The following CHST15 variants were observed in gnomAD, a reference collection of about 807,000 sequenced individuals.
CHST15 encodes the protein B cell RAG associated protein (GALNAC4S-6ST).
In CHST15, 30 loss-of-function variants were observed where a neutral mutation model predicts 53.6. That is an observed-to-expected ratio of 0.56 (90% CI 0.42 to 0.76). The LOEUF (loss-of-function observed/expected upper bound fraction) is 0.76. Among genes scored for constraint, CHST15 ranks in the 30% least tolerant of loss-of-function variants. The pLI is 0.00. For missense variants in CHST15, 627 were observed against 740.5 expected, an observed-to-expected ratio of 0.85 and a Z score of 1.78; for synonymous variants, 296 against 289.8, an observed-to-expected ratio of 1.02 and a Z score of -0.22.
chr10:124,020,633 G>C (rs1489956475), intron 6 of CHST15: 1 of 988,392 alleles, frequency 1.0e-6, no homozygotes, highest in Non-Finnish European at 1.2e-6. Context: ...CAGCGGCAAT[G>C]CTCGCTGCAT....
At chr10:124,033,590 A>C (rs1370547172) in intron 5 of CHST15, among the ~76,000 whole-genome samples, 1 of 152,232 alleles carries the variant, frequency 6.6e-6, no homozygotes, top group Non-Finnish European at 1.5e-5. Context: ...GGTTAGAAAA[A>C]ATCGTGACTT....
In CHST15 at chr10:124,046,066, A is replaced by T. The variant is rs1257390586; in HGVS notation, c.147T>A (p.Ser49Arg). ...GAACAGCAAGCAAGTTCATCTGCTTACTGTCCACACGAAACAGAATTTTGT... is the reference window on the plus strand; with the variant it reads ...GAACAGCAAGCAAGTTCATCTGCTTTCTGTCCACACGAAACAGAATTTTGT... ...GENKILFRVD[S>R]KQMNLLAVLE... is the part of the protein sequence containing the mutation. Residue 49 changes from serine to arginine, a missense_variant, in exon 2 of 8, where the codon AGT becomes AGA. This residue lies in a region of CHST15 where 187 missense variants were observed against 251.8 expected (regional missense o/e 0.74). Transcript: ENST00000435907. 1.1e-5 allele frequency: 17 copies of T among 1,614,120 alleles called. No homozygotes were observed. Among genetic ancestry groups the T allele is most frequent in the Non-Finnish European group, 1.4e-5 (17 of 1,180,056 alleles).
chr10:124,008,300 T>C lies in CHST15; in HGVS notation c.*1849A>G. 4.4e-6 allele frequency: 5 copies of C among 1,131,402 alleles called. No individual in the cohort carries two copies. Among genetic ancestry groups the C allele is most frequent in the Non-Finnish European group, 5.4e-6 (5 of 925,336 alleles). The allele number at this position is 1,131,402 out of a possible 1,614,324, so 70.1% of individuals were successfully genotyped here. A position where few individuals can be genotyped will look rare whatever the true frequency, so the allele number is the denominator to read the frequency against. The stretch of plus-strand genomic sequence containing the variant: ...AGAGCGGAGGAGCCTCATTAGCAAC[T>C]GAACAGAACCCACTCAGAAGACGCA... On this transcript the variant is annotated 3_prime_UTR_variant, in exon 8 of 8. Coordinates refer to ENST00000435907, the MANE Select transcript of CHST15 (RefSeq NM_001270764.2).
intron 4 of CHST15, among the ~76,000 whole-genome samples, chr10:124,039,707 G>C (rs1339160606): frequency 6.6e-6 from 1 of 152,258 alleles, no homozygotes; most frequent in Non-Finnish European, 1.5e-5. Context: ...CAACAGCACA[G>C]ACTCTCTCAG....
chr10:124,057,946 T>A (rs1468039364), intron 1 of CHST15, among the ~76,000 whole-genome samples: 3 of 141,850 alleles, frequency 2.1e-5, no homozygotes, highest in Non-Finnish European at 4.5e-5. Context: ...GACCAGAGAC[T>A]TCAAATATGT....
At chr10:124,046,999 A>G (rs1743395082) in intron 1 of CHST15, among the ~76,000 whole-genome samples, 2 of 152,208 alleles carry the variant, frequency 1.3e-5, no homozygotes, top group Admixed American at 1.3e-4. Flanking sequence ...TGCATAGTCT[A>G]CATCTCCCCT....
chr10:124,070,018 G>GT (rs2134152841), intron 1 of CHST15, among the ~76,000 whole-genome samples: 1 of 152,282 alleles, frequency 6.6e-6, no homozygotes, highest in African/African-American at 2.4e-5. Context: ...AAATGGTGAT[G>GT]TCCCCCCCAG....
rs1947886449 is a variant in CHST15, at chr10:124,044,615, A to G, written c.851T>C (p.Ile284Thr). The G allele has an allele frequency of 1.3e-6, 2 of 1,575,488 alleles. No individual in the cohort carries two copies. Among genetic ancestry groups the G allele is most frequent in the African/African-American group, 1.4e-5 (1 of 73,084 alleles). ...CCGGGTCCACCAGTGTGGCTCCTTGATGGCGGAGAACTTGACCTCAGGGTG... is the reference window on the plus strand; with the variant it reads ...CCGGGTCCACCAGTGTGGCTCCTTGGTGGCGGAGAACTTGACCTCAGGGTG... ...RLHPEVKFSA[I>T]KEPHWWTRKR... Residue 284 changes from isoleucine to threonine, a missense_variant, in exon 3 of 8, where the codon ATC becomes ACC. Physicochemically the swap from Ile to Thr is moderately conservative, Grantham distance 89. Around this residue, in one of 3 missense-constraint regions of CHST15, gnomAD observed 279 missense variants for 371.6 expected, o/e 0.75. Transcript: ENST00000435907.
intron 1 of CHST15, among the ~76,000 whole-genome samples, chr10:124,092,815 C>T (rs929191381): frequency 6.6e-6 from 1 of 152,260 alleles, no homozygotes; most frequent in Non-Finnish European, 1.5e-5. Context: ...ACGACGCGCG[C>T]TCACACCGTG....
chr10:124,084,049 A>G (rs1026554101), intron 1 of CHST15, among the ~76,000 whole-genome samples: 6 of 152,224 alleles, frequency 3.9e-5, no homozygotes, highest in African/African-American at 1.2e-4. Context: ...AGACACTCTG[A>G]GGCTCAGGAG....
At chr10:124,061,325 T>C (rs1948565107) in intron 1 of CHST15, among the ~76,000 whole-genome samples, 1 of 152,192 alleles carries the variant, frequency 6.6e-6, no homozygotes, top group Admixed American at 6.5e-5. Context: ...ATTCTCGTGA[T>C]AGTAAATAAG....
intron 1 of CHST15, among the ~76,000 whole-genome samples, chr10:124,061,404 A>C (rs758010962): frequency 1.4e-4 from 22 of 152,166 alleles, no homozygotes; most frequent in Admixed American, 3.9e-4. Flanking sequence ...TGCCGCAGCC[A>C]TGTAAGAAGT....
intron 1 of CHST15, among the ~76,000 whole-genome samples, chr10:124,057,861 G>A (rs1948434460): frequency 6.6e-6 from 1 of 152,082 alleles, no homozygotes; most frequent in Non-Finnish European, 1.5e-5. Context: ...CGAGATATGG[G>A]CCAAACACAG....
rs1209250078 is a variant in CHST15 at position 124,024,469 on chromosome 10, A to T, written c.1191-3057T>A. Among the ~76,000 whole-genome samples, 2 of 152,222 alleles carry T rather than the reference A, an allele frequency of 1.3e-5. No homozygotes were observed. Among genetic ancestry groups the T allele is most frequent in the Non-Finnish European group, 2.9e-5 (2 of 68,036 alleles). ...CTAGAATCAAAACACCCACCGGAACAGGAGTGTTCCATCTACCACAGCCTG... is the reference window on the plus strand; with the variant it reads ...CTAGAATCAAAACACCCACCGGAACTGGAGTGTTCCATCTACCACAGCCTG... On this transcript the variant is annotated intron_variant, in intron 5 of 7. Transcript: ENST00000435907. This position sits in a 1 kb window ranked among gnomAD's most constrained non-coding sequence, Gnocchi z 4.0.
intron 1 of CHST15, among the ~76,000 whole-genome samples, chr10:124,077,474 G>C (rs1949114087): frequency 6.6e-6 from 1 of 152,088 alleles, no homozygotes; most frequent in African/African-American, 2.4e-5. Context: ...CGGAGGCCTT[G>C]TCTGTCAAAT....
intron 1 of CHST15, among the ~76,000 whole-genome samples, chr10:124,052,736 TAA>T (rs984143731): frequency 6.6e-6 from 1 of 152,118 alleles, no homozygotes. Context: ...GTAAGGTGCT[TAA>T]AAGAGTGTCT....
intron 1 of CHST15, among the ~76,000 whole-genome samples, chr10:124,065,111 C>T (rs758864229): frequency 2.6e-5 from 4 of 152,188 alleles, no homozygotes; most frequent in Admixed American, 6.5e-5. Flanking sequence ...GGGCTGAGCG[C>T]GGTGGCTCTT....
chr10:124,033,698 C>A (rs1947313198), intron 5 of CHST15, among the ~76,000 whole-genome samples: 1 of 152,188 alleles, frequency 6.6e-6, no homozygotes, highest in Admixed American at 6.5e-5. Flanking sequence ...AGCCTCTCGC[C>A]AAAAGCCAGC....
At chr10:124,091,501 C>T (rs1358393643) in intron 1 of CHST15, among the ~76,000 whole-genome samples, 1 of 152,194 alleles carries the variant, frequency 6.6e-6, no homozygotes, top group African/African-American at 2.4e-5. Flanking sequence ...GGGTGGCTAC[C>T]CTAACCCACC....
Sources: allele counts gnomAD v4.1 joint callset (sites outside exome capture counted in the v4.1 genomes callset), GRCh38; gene constraint gnomAD v4.1.1; regional missense constraint gnomAD v4.1.1; non-coding constraint Gnocchi (gnomAD v3.1); transcripts MANE v1.5; gene names NCBI Gene and HGNC (gene_info 2026-07-23, HGNC 2026-07-21).